Variants in IDUA observed in about 807,000 individuals in gnomAD.
IDUA encodes the protein alpha-L-iduronidase.
In IDUA, 65 loss-of-function variants were observed where a neutral mutation model predicts 68.9. That is an observed-to-expected ratio of 0.94 (90% CI 0.77 to 1.16). IDUA has a LOEUF of 1.16. Among genes scored for constraint, IDUA ranks in the 50% most tolerant of loss-of-function variants. The pLI is 0.00. For missense variants in IDUA, 1,046 were observed against 938.0 expected, an observed-to-expected ratio of 1.12 and a Z score of -1.50; for synonymous variants, 529 against 433.6, an observed-to-expected ratio of 1.22 and a Z score of -2.73.
intron 2 of IDUA, chr4:989,103 C>T (rs1560534206): frequency 1.9e-6 from 3 of 1,604,712 alleles, no homozygotes; most frequent in Admixed American, 3.4e-5. Flanking sequence ...AGTCGATGAC[C>T]ACTGTGTGGA....
At chr4:998,650 C>G (rs1714883995) in intron 2 of IDUA, among the ~76,000 whole-genome samples, 2 of 152,170 alleles carry the variant, frequency 1.3e-5, no homozygotes, top group Admixed American at 1.3e-4. Flanking sequence ...CCCTTGCACA[C>G]CAATCTCCTC....
chr4:989,855 TCTC>T, intron 2 of IDUA: 1 of 1,576,904 alleles, frequency 6.3e-7, no homozygotes, highest in Non-Finnish European at 8.6e-7. Context: ...CGGGCGAACA[TCTC>T]CGCCAGCGAG....
Position 1,001,475 on chromosome 4 carries a change from C to A in IDUA, c.501C>A (p.Tyr167Ter). 6.2e-7 allele frequency: 1 copy of A among 1,612,822 alleles called. No individual in the cohort carries two copies. Among genetic ancestry groups the A allele is most frequent in the Non-Finnish European group, 8.5e-7 (1 of 1,179,740 alleles). Residue 167 changes from tyrosine to a stop codon, truncating the protein, a stop_gained, in exon 5 of 14, where the codon TAC (tyrosine) becomes TAA (stop). Coordinates refer to ENST00000514224, the MANE Select transcript of IDUA (RefSeq NM_000203.5). LOFTEE classifies it high-confidence loss of function. ...AGCAAGGCTCCTCTGCAGGTAGGTA[C>A]GGACTGGCGCATGTTTCCAAGTGGA... ...SSLARRYIGRYGLAHVSKWNF... is the reference protein window; with the variant it reads ...SSLARRYIGR
intron 2 of IDUA, chr4:991,040 G>T: frequency 7.5e-7 from 1 of 1,326,960 alleles, no homozygotes; most frequent in Non-Finnish European, 1.0e-6. Context: ...CCAACCCTGT[G>T]CTTGCCCCCA....
rs1713799895 is a variant in IDUA, at chr4:987,225, G to A, written c.141G>A (p.Trp47Ter). The part of the protein sequence containing the change: ...ARALWPLRRF[W>*]RSTGFCPPLP... ...CGCTGTGGCCCCTGCGGCGCTTCTG[G>A]AGGAGCACAGGCTTCTGGTGAGCGC... Residue 47 changes from tryptophan (W) to a stop codon, truncating the protein, a stop_gained, in exon 1 of 14, where the codon TGG (tryptophan) becomes TGA (stop). Coordinates refer to ENST00000514224, the MANE Select transcript of IDUA (RefSeq NM_000203.5). LOFTEE classifies it high-confidence loss of function. The A allele has an allele frequency of 6.7e-7, 1 of 1,502,466 alleles. No individual in the cohort carries two copies. Among genetic ancestry groups the A allele is most frequent in the Non-Finnish European group, 8.8e-7 (1 of 1,133,452 alleles). The allele number at this position is 1,502,466 out of a possible 1,614,324, so 93.1% of individuals were successfully genotyped here. A position where few individuals can be genotyped will look rare whatever the true frequency, so the allele number is the denominator to read the frequency against.
rs754967651 is a variant in IDUA at position 989,941 on chromosome 4, G to GGGACCTGA, written c.299+1995_299+2002dup. 58 of 1,555,814 alleles carry GGGACCTGA rather than the reference G, an allele frequency of 3.7e-5. No individual in the cohort carries two copies. Among genetic ancestry groups the GGGACCTGA allele is most frequent in the Non-Finnish European group, 4.9e-5 (56 of 1,151,210 alleles). On this transcript the variant is annotated intron_variant, in intron 2 of 13. Transcript: ENST00000514224. ...CACACGCTGCATCAGCCTGGGCTCT[G>GGGACCTGA]GGACCTGAGGGGGCATGAAACCCGT...
In IDUA at chr4:988,969, A is replaced by G; in HGVS notation, c.299+1020A>G. 1 of 1,596,980 alleles carries G rather than the reference A, an allele frequency of 6.3e-7. No individual in the cohort carries two copies. Among genetic ancestry groups the G allele is most frequent in the African/African-American group, 1.3e-5 (1 of 74,634 alleles). ...CTCCCCGAGGAAGCCTCCTCTGCTC[A>G]GAATGTCTCTCACAGGCGGGCTGCA... On this transcript the variant is annotated intron_variant, in intron 2 of 13. Transcript: ENST00000514224.
chr4:1,002,172 CCAACGCCCT>C lies in IDUA; in HGVS notation c.972+12_972+20del, dbSNP rs753002350. 6.4e-7 allele frequency: 1 copy of C among 1,556,822 alleles called. No homozygotes were observed. The highest frequency in any genetic ancestry group is 1.9e-5 in the Admixed American group (1 of 51,632). ...GCCATGGTGGTGAAGGTGGGCCGGC[CCAACGCCCT>C]GCGCGCCCCCCGGCCACCTTCCTCC... On this transcript the variant is annotated intron_variant, in intron 7 of 13. Transcript: ENST00000514224.
intron 4 of IDUA, chr4:1,001,226 G>C: frequency 1.6e-6 from 1 of 618,978 alleles, no homozygotes; most frequent in East Asian, 2.7e-5. Flanking sequence ...CCCCTGGGGT[G>C]GGGGGTACTC....
intron 2 of IDUA, among the ~76,000 whole-genome samples, chr4:999,203 T>C (rs865858245): frequency 1.8e-3 from 201 of 113,434 alleles, no homozygotes; most frequent in African/African-American, 5.7e-3. Context: ...AGACTCTGTC[T>C]CAAAAAAAAA....
At chr4:999,836 C>T (rs531867344) in intron 2 of IDUA, 1 of 21,786 alleles carries the variant, frequency 4.6e-5, no homozygotes, top group African/African-American at 2.7e-4. Context: ...CCCCCTTCTC[C>T]CTTGAGGACG....
Position 991,643 on chromosome 4 carries a change from G to A in IDUA, c.299+3694G>A, listed in dbSNP as rs376882525. ...TCACGCAGACCCCGGGGTGCTGGGCGCTGCCGTCGGACCGGCACCGGCCCT... is the reference window on the plus strand; with the variant it reads ...TCACGCAGACCCCGGGGTGCTGGGCACTGCCGTCGGACCGGCACCGGCCCT... On this transcript the variant is annotated intron_variant, in intron 2 of 13. Transcript: ENST00000514224. The A allele has an allele frequency of 1.9e-4, 303 of 1,555,480 alleles. No individual in the cohort carries two copies. Among genetic ancestry groups the A allele is most frequent in the Non-Finnish European group, 2.4e-4 (274 of 1,157,344 alleles).
At chr4:993,586 C>A (rs532458150) in intron 2 of IDUA, 2 of 152,270 alleles carry the variant, frequency 1.3e-5, no homozygotes, top group Non-Finnish European at 2.9e-5. Flanking sequence ...CTGAGGAGCT[C>A]CCAGCCTCCC....
At chr4:988,285 A>C (rs1264020019) in intron 2 of IDUA, 16 of 1,164,368 alleles carry the variant, frequency 1.4e-5, no homozygotes, top group African/African-American at 3.2e-5. Flanking sequence ...CTGAGGTCTC[A>C]TCGGTCACAG....
At chr4:997,003 TTG>T (rs2153020437) in intron 2 of IDUA, among the ~76,000 whole-genome samples, 1 of 152,288 alleles carries the variant, frequency 6.6e-6, no homozygotes, top group South Asian at 2.1e-4. Context: ...CTGGCCAGTC[TTG>T]TGTCACACGC....
rs138353078 is a variant in IDUA, at chr4:989,333, C to T, written c.299+1384C>T. 7.7e-5 allele frequency: 124 copies of T among 1,607,228 alleles called. No homozygotes were observed. Among genetic ancestry groups the T allele is most frequent in the South Asian group, 2.6e-4 (23 of 90,080 alleles). On this transcript the variant is annotated intron_variant, in intron 2 of 13. Coordinates refer to ENST00000514224, the MANE Select transcript of IDUA (RefSeq NM_000203.5). ...CCCCCAAAGCGGAACACCCGCACGC[C>T]GGGCTCAGGGACGAGGCCCTCGAAC...
chr4:987,672 G>A, intron 1 of IDUA, 137 bp from the exon 2 acceptor site: 1 of 1,491,382 alleles, frequency 6.7e-7, no homozygotes, highest in Non-Finnish European at 8.9e-7. Context: ...GGCCCTAAGG[G>A]TCATTTTATT....
rs1383523877 is a variant in IDUA at position 1,001,530 on chromosome 4, C to G, written c.556C>G (p.His186Asp). 1.9e-6 allele frequency: 3 copies of G among 1,613,194 alleles called. No homozygotes were observed. In the African/African-American group the frequency reaches 4.0e-5, roughly 22 times the overall value. The part of the protein sequence containing the change: ...NFETWNEPDH[H>D]DFDNVSMTMQ... ...CGAGACGTGGAATGAGCCAGACCAC[C>G]ACGACTTTGACAACGTCTCCATGAC... The change falls in exon 5 of 14, where the codon CAC becomes GAC. Residue 186 changes from histidine to aspartate, a missense_variant. Physicochemically the swap from His to Asp is moderately conservative, Grantham distance 81 (BLOSUM62 -1). Transcript: ENST00000514224.
chr4:989,075 G>A (rs769056188), intron 2 of IDUA: 16 of 1,593,546 alleles, frequency 1.0e-5, no homozygotes, highest in Non-Finnish European at 1.1e-5. Flanking sequence ...GCTGCGTCTA[G>A]GAACAGCAGC....
Sources: gnomAD v4.1 joint callset for allele counts (sites outside exome capture counted in the v4.1 genomes callset) on GRCh38, gnomAD v4.1.1 for gene constraint, MANE v1.5 for transcripts, NCBI Gene and HGNC (gene_info 2026-07-23, HGNC 2026-07-21) for gene names.